The following PIGN variants were observed in gnomAD, a reference collection of about 807,000 sequenced individuals.
PIGN encodes the protein GPI ethanolamine phosphate transferase 1.
In PIGN, 117 loss-of-function variants were observed where a neutral mutation model predicts 125.4. The ratio of observed to expected loss-of-function variants is 0.93; its 90% confidence interval spans 0.80 to 1.09. The LOEUF (loss-of-function observed/expected upper bound fraction) is 1.09. Among genes scored for constraint, PIGN ranks in the 50% least tolerant of loss-of-function variants. The probability of loss-of-function intolerance (pLI) is 0.00; values close to 1 mark genes in which losing one functional copy is unlikely to be tolerated. For synonymous variants in PIGN, 392 were observed against 377.8 expected, an observed-to-expected ratio of 1.04 and a Z score of -0.44; for missense variants, 1,075 against 1,094.9, an observed-to-expected ratio of 0.98 and a Z score of 0.26.
chr18:62,071,863 C>CATTT (rs2032871288), intron 30 of PIGN, among the ~76,000 whole-genome samples: 1 of 77,618 alleles, frequency 1.3e-5, no homozygotes, highest in African/African-American at 4.6e-5. Flanking sequence ...ACTCCTTTTC[C>CATTT]ATATATATAT....
intron 1 of PIGN, among the ~76,000 whole-genome samples, chr18:62,183,712 C>G (rs1034003179): frequency 1.3e-5 from 2 of 152,094 alleles, no homozygotes; most frequent in African/African-American, 4.8e-5. Flanking sequence ...AGTAAGGACT[C>G]AAATGTTTGC....
At chr18:62,169,388 T>A (rs1193192776) in intron 1 of PIGN, among the ~76,000 whole-genome samples, 1 of 152,246 alleles carries the variant, frequency 6.6e-6, no homozygotes, top group Non-Finnish European at 1.5e-5. Context: ...AGTTTTTGGC[T>A]ATTTCAAATA....
intron 14 of PIGN, among the ~76,000 whole-genome samples, chr18:62,127,449 C>T (rs1290351291): frequency 6.6e-6 from 1 of 151,696 alleles, no homozygotes; most frequent in African/African-American, 2.4e-5. Context: ...GCTTTCACAC[C>T]ATCATAAAGT....
intron 30 of PIGN, among the ~76,000 whole-genome samples, chr18:62,060,996 T>C (rs1405991460): frequency 6.6e-6 from 1 of 152,184 alleles, no homozygotes; most frequent in Non-Finnish European, 1.5e-5. Context: ...CTGGGCAGGA[T>C]ATTTTTCACA....
intron 23 of PIGN, among the ~76,000 whole-genome samples, chr18:62,033,783 CTT>C (rs2030224164): frequency 6.6e-6 from 1 of 152,168 alleles, no homozygotes; most frequent in Non-Finnish European, 1.5e-5. Context: ...TATACCCATA[CTT>C]TAAGTATGCA....
rs1376661764 is a variant in PIGN, at chr18:62,147,114, A to G, written c.675-13T>C. ...GTGCTTGTAGTCTCTATTTGTAAAG[A>G]AACAGAGGAACAAATTAAATTAATT... On this transcript the variant is annotated splice_polypyrimidine_tract_variant and intron_variant, in intron 8 of 30. Transcript: ENST00000640252. 2 of 1,582,298 alleles carry G rather than the reference A, an allele frequency of 1.3e-6. No individual in the cohort carries two copies. The highest frequency in any genetic ancestry group is 3.6e-5 in the Admixed American group (2 of 55,530).
At chr18:62,060,379 G>A (rs1022782912) in intron 30 of PIGN, among the ~76,000 whole-genome samples, 18 of 152,104 alleles carry the variant, frequency 1.2e-4, no homozygotes, top group African/African-American at 4.1e-4. Flanking sequence ...CCTGCACAAT[G>A]GTGACAAAAT....
intron 23 of PIGN, among the ~76,000 whole-genome samples, chr18:62,030,876 G>A (rs2030186600): frequency 1.3e-5 from 2 of 152,180 alleles, no homozygotes; most frequent in Non-Finnish European, 2.9e-5. Flanking sequence ...TGAGGTGGGA[G>A]GATGGCTTGA....
intron 1 of PIGN, among the ~76,000 whole-genome samples, chr18:62,167,869 G>A (rs2037209789): frequency 6.6e-6 from 1 of 151,300 alleles, no homozygotes; most frequent in South Asian, 2.1e-4. Flanking sequence ...TTTTTTTAAC[G>A]GTGTATATAA....
At position 62,141,899 on chromosome 18, in the gene PIGN, C is replaced by T. The variant is rs548174476; in HGVS notation, c.963+1407G>A. On this transcript the variant is annotated intron_variant, in intron 11 of 30. Coordinates refer to ENST00000640252, the MANE Select transcript of PIGN (RefSeq NM_176787.5). ...CTTTAATACACCATGTACCCTCTCA[C>T]CAGAACTTAGTGTACACATTTCCTC... Among the ~76,000 whole-genome samples, 106 of 152,292 alleles carry T rather than the reference C, an allele frequency of 7.0e-4. 1 individual carries two copies. The South Asian group carries it at 0.021, about 31-fold the overall frequency.
At chr18:62,033,455 T>C (rs1200032094) in intron 23 of PIGN, among the ~76,000 whole-genome samples, 1 of 152,242 alleles carries the variant, frequency 6.6e-6, no homozygotes, top group Non-Finnish European at 1.5e-5. Context: ...ACGTGACTGA[T>C]AGTAGATTAT....
intron 17 of PIGN, among the ~76,000 whole-genome samples, 181 bp from the exon 18 acceptor site, chr18:62,107,266 A>T (rs752325349): frequency 4.6e-5 from 7 of 152,124 alleles, no homozygotes; most frequent in Non-Finnish European, 1.0e-4. Context: ...TTTAATCTAG[A>T]AGTATTTTAG....
chr18:62,163,398 A>G (rs1349561586), intron 2 of PIGN, 133 bp downstream of exon 2: 1 of 152,170 alleles, frequency 6.6e-6, no homozygotes, highest in Admixed American at 6.5e-5. Flanking sequence ...AGAAACCTAG[A>G]TTAGTTACCT....
chr18:62,139,257 G>C (rs1212636961), intron 12 of PIGN, among the ~76,000 whole-genome samples, 182 bp from the exon 13 acceptor site: 1 of 152,164 alleles, frequency 6.6e-6, no homozygotes, highest in Non-Finnish European at 1.5e-5. Flanking sequence ...TTCTCACAAA[G>C]TAGATGTATT....
intron 1 of PIGN, among the ~76,000 whole-genome samples, chr18:62,185,034 T>C (rs2037847235): frequency 1.3e-5 from 2 of 152,196 alleles, no homozygotes; most frequent in Admixed American, 1.3e-4. Context: ...AACTTAAGCT[T>C]TTCTATCTTA....
In PIGN at chr18:62,148,344, T is replaced by C. The variant is rs771290100; in HGVS notation, c.550-6A>G. The C allele has an allele frequency of 3.4e-6, 5 of 1,476,338 alleles. No homozygotes were observed. Among genetic ancestry groups the C allele is most frequent in the African/African-American group, 1.4e-5 (1 of 69,986 alleles). 91.5% of individuals were successfully genotyped at this position (1,476,338 alleles called of 1,614,324 possible). On this transcript the variant is annotated splice_region_variant and splice_polypyrimidine_tract_variant and intron_variant, in intron 7 of 30. Transcript: ENST00000640252. Reference sequence around the variant, plus strand: ...CTGGCATGATGAAAGAAGTCCTACATATAACAAATGAGTTAAAAATATTTA... The same window carrying C: ...CTGGCATGATGAAAGAAGTCCTACACATAACAAATGAGTTAAAAATATTTA...
chr18:62,108,764 T>C (rs1314000296), intron 17 of PIGN, among the ~76,000 whole-genome samples: 1 of 152,162 alleles, frequency 6.6e-6, no homozygotes, highest in East Asian at 1.9e-4. Flanking sequence ...CTAATTTTTG[T>C]ATTTTTAGTA....
rs200438285 is a variant in PIGN at position 62,152,851 on chromosome 18, C to CAT, written c.549+1692_549+1693dup. Among the ~76,000 whole-genome samples the CAT allele has an allele frequency of 1.9e-3, 187 of 97,010 alleles. 1 individual carries two copies. In the Middle Eastern group the frequency reaches 0.031, roughly 16 times the overall value. 63.6% of individuals were successfully genotyped at this position (97,010 alleles called of 152,430 possible). A position where few individuals can be genotyped will look rare whatever the true frequency, so the allele number is the denominator to read the frequency against. On this transcript the variant is annotated intron_variant, in intron 7 of 30. Transcript: ENST00000640252. ...TTAAGACAGTAAATTCTGTATTTTG[C>CAT]ATATATATATATATATATTTTTTTT...
At chr18:62,064,655 T>C (rs1235487972) in intron 30 of PIGN, among the ~76,000 whole-genome samples, 1 of 152,232 alleles carries the variant, frequency 6.6e-6, no homozygotes, top group African/African-American at 2.4e-5. Context: ...TGAGATAACA[T>C]AAGTACAATT....
Sources: gnomAD v4.1 joint callset for allele counts (sites outside exome capture counted in the v4.1 genomes callset) on GRCh38, gnomAD v4.1.1 for gene constraint, MANE v1.5 for transcripts, NCBI Gene and HGNC (gene_info 2026-07-23, HGNC 2026-07-21) for gene names.